The following SCN8A variants were observed in gnomAD, a reference collection of about 807,000 sequenced individuals.
SCN8A encodes sodium channel protein type 8 subunit alpha.
A neutral mutation model predicts 184.1 loss-of-function variants in SCN8A; 30 were observed. The observed-to-expected ratio is 0.16, with a 90% CI of 0.12 to 0.22. The LOEUF is 0.22. Among genes scored for constraint, SCN8A ranks in the 10% least tolerant of loss-of-function variants. SCN8A has a pLI of 1.00. For missense variants in SCN8A, 1,057 were observed against 2,498.9 expected, an observed-to-expected ratio of 0.42 and a Z score of 12.30; for synonymous variants, 852 against 907.0, an observed-to-expected ratio of 0.94 and a Z score of 1.09.
rs1345119465 is a variant in SCN8A at position 51,705,298 on chromosome 12, A to AGGAAACAG, written c.1135-118_1135-111dup. 30 of 843,286 alleles carry AGGAAACAG rather than the reference A, an allele frequency of 3.6e-5. No individual in the cohort carries two copies. The African/African-American group carries it at 4.7e-4, about 13-fold the overall frequency. The allele number at this position is 843,286 out of a possible 1,614,324, so 52.2% of individuals were successfully genotyped here. ...CCACAATAGGAAGGAGTACTGCACA[A>AGGAAACAG]GGAAACAGTCCTGTACAAAATGCAA... On this transcript the variant is annotated intron_variant, in intron 9 of 26. Transcript: ENST00000627620.
At chr12:51,757,125 T>C (rs1942687890) in intron 14 of SCN8A, among the ~76,000 whole-genome samples, 1 of 152,144 alleles carries the variant, frequency 6.6e-6, no homozygotes. Context: ...ACCACCTTAA[T>C]TTGCAGAGGC....
chr12:51,644,525 G>T (rs61933355), intron 1 of SCN8A, among the ~76,000 whole-genome samples: 1 of 152,174 alleles, frequency 6.6e-6, no homozygotes, highest in African/African-American at 2.4e-5. Context: ...ACGGAGTCTC[G>T]TTCACTCAGT....
rs944795420 is a variant in SCN8A, at chr12:51,781,676, T to A, written c.3942+905T>A. Among the ~76,000 whole-genome samples, 10 of 152,160 alleles carry A rather than the reference T, an allele frequency of 6.6e-5. No individual in the cohort carries two copies. The East Asian group carries it at 9.7e-4, about 15-fold the overall frequency. On this transcript the variant is annotated intron_variant, in intron 21 of 26. Coordinates refer to ENST00000627620, the MANE Select transcript of SCN8A (RefSeq NM_001330260.2). The stretch of plus-strand genomic sequence containing the variant: ...CGCACGCACGCGCACACACACACAC[T>A]AAAAAGTCAATTTCTTAAAATCAAA...
At chr12:51,704,881 AG>A (rs1409663855) in intron 9 of SCN8A, among the ~76,000 whole-genome samples, 1 of 151,272 alleles carries the variant, frequency 6.6e-6, no homozygotes, top group Non-Finnish European at 1.5e-5. Context: ...AGGCTGAGGC[AG>A]GAGAATCGCT....
intron 1 of SCN8A, among the ~76,000 whole-genome samples, chr12:51,621,281 A>C (rs139080874): frequency 4.6e-4 from 70 of 152,286 alleles, no homozygotes; most frequent in African/African-American, 1.7e-3. Flanking sequence ...GCCAACTATA[A>C]ACTTAGGTCA....
chr12:51,794,740 G>A, intron 26 of SCN8A, 99 bp downstream of exon 26: 3 of 1,197,052 alleles, frequency 2.5e-6, no homozygotes. Context: ...GGTCTGAAGT[G>A]CAGGCAAGAT....
chr12:51,624,709 T>A (rs1447536579), intron 1 of SCN8A, among the ~76,000 whole-genome samples: 3 of 152,178 alleles, frequency 2.0e-5, no homozygotes, highest in South Asian at 2.1e-4. Flanking sequence ...CTGAATGGTA[T>A]TGCCTAGGTT....
At chr12:51,602,724 A>G (rs1393059777) in intron 1 of SCN8A, among the ~76,000 whole-genome samples, 4 of 152,302 alleles carry the variant, frequency 2.6e-5, no homozygotes, top group East Asian at 1.9e-4. Context: ...GCCAAAATAT[A>G]GGGACCAGAA....
At chr12:51,630,331 T>C (rs1349923952) in intron 1 of SCN8A, among the ~76,000 whole-genome samples, 2 of 152,074 alleles carry the variant, frequency 1.3e-5, no homozygotes, top group African/African-American at 4.8e-5. Context: ...GATCGACCAC[T>C]CTAGGGATCT....
At chr12:51,772,342 C>T (rs1047606846) in intron 19 of SCN8A, among the ~76,000 whole-genome samples, 2 of 151,146 alleles carry the variant, frequency 1.3e-5, no homozygotes, top group Non-Finnish European at 2.9e-5. Flanking sequence ...TTGCAGTGTG[C>T]CGAGATTGCA....
chr12:51,634,658 T>TA (rs1192134163), intron 1 of SCN8A, among the ~76,000 whole-genome samples: 3,728 of 121,734 alleles, frequency 0.031, 120 homozygotes, highest in Admixed American at 0.089. Context: ...TTATTATTAT[T>TA]TTTTTTTTTT....
chr12:51,805,786 C>G (rs77823302), intron 26 of SCN8A, among the ~76,000 whole-genome samples: 7,319 of 151,914 alleles, frequency 0.048, 276 homozygotes, highest in South Asian at 0.11. Context: ...GTGTTAGGCA[C>G]ATAGGTGTCT....
chr12:51,783,612 A>G (rs975833665), intron 21 of SCN8A, among the ~76,000 whole-genome samples: 8 of 152,244 alleles, frequency 5.3e-5, no homozygotes, highest in Non-Finnish European at 2.9e-5. Flanking sequence ...TCTCTCCTCC[A>G]TAGTAATCTT....
intron 26 of SCN8A, among the ~76,000 whole-genome samples, chr12:51,805,545 T>C (rs73299769): frequency 0.045 from 6,874 of 152,200 alleles, 526 homozygotes; most frequent in African/African-American, 0.16. Context: ...GAATGATACA[T>C]ACCATCTTCA....
At chr12:51,623,248 A>G (rs1200240899) in intron 1 of SCN8A, among the ~76,000 whole-genome samples, 1 of 152,220 alleles carries the variant, frequency 6.6e-6, no homozygotes, top group African/African-American at 2.4e-5. Flanking sequence ...AAATAAAAGT[A>G]TGTATGCTAA....
chr12:51,703,304 C>T (rs1941724531), intron 9 of SCN8A, among the ~76,000 whole-genome samples: 1 of 152,074 alleles, frequency 6.6e-6, no homozygotes, highest in African/African-American at 2.4e-5. Context: ...CCACACCTGG[C>T]TATAATATTT....
intron 1 of SCN8A, among the ~76,000 whole-genome samples, chr12:51,592,113 C>T (rs905788124): frequency 2.1e-5 from 3 of 143,266 alleles, no homozygotes; most frequent in Non-Finnish European, 4.6e-5. Flanking sequence ...CCTCTCCCTC[C>T]CCCACCTTAC....
At chr12:51,597,907 C>G (rs1175561797) in intron 1 of SCN8A, among the ~76,000 whole-genome samples, 2 of 152,054 alleles carry the variant, frequency 1.3e-5, no homozygotes, top group South Asian at 4.2e-4. Flanking sequence ...TTTGTCTTAG[C>G]AGGAAGCTGA....
At chr12:51,593,813 T>C (rs1011248136) in intron 1 of SCN8A, among the ~76,000 whole-genome samples, 4 of 152,252 alleles carry the variant, frequency 2.6e-5, no homozygotes, top group African/African-American at 4.8e-5. Context: ...TCATTTTGGC[T>C]GTCCCTCATG....
Sources: allele counts gnomAD v4.1 joint callset (sites outside exome capture counted in the v4.1 genomes callset), GRCh38; gene constraint gnomAD v4.1.1; transcripts MANE v1.5; gene names NCBI Gene and HGNC (gene_info 2026-07-23, HGNC 2026-07-21).